Variants in PROS1 observed in about 807,000 individuals in gnomAD.
The protein encoded by PROS1 is protein S, also known as vitamin K-dependent protein S.
In PROS1, 29 loss-of-function variants were observed where a neutral mutation model predicts 75.9. That is an observed-to-expected ratio of 0.38 (90% confidence interval 0.28 to 0.52). PROS1 has a LOEUF of 0.52. PROS1 is among the 20% of genes least tolerant of loss of function. The probability of loss-of-function intolerance (pLI) is 0.83; values close to 1 mark genes in which losing one functional copy is unlikely to be tolerated. For synonymous variants in PROS1, 245 were observed against 280.6 expected (o/e 0.87, Z 1.27); for missense variants, 680 against 810.3 (o/e 0.84, Z 1.95).
intron 3 of PROS1, among the ~76,000 whole-genome samples, chr3:93,916,312 T>G (rs1003133611): frequency 1.3e-5 from 2 of 152,202 alleles, no homozygotes; most frequent in Non-Finnish European, 2.9e-5. Flanking sequence ...AAAGCTTCAT[T>G]TCGCATCTCT....
rs750429400 is a variant in PROS1 at position 93,900,916 on chromosome 3, G to A, written c.615C>T (p.Cys205=). The A allele has an allele frequency of 6.2e-7, 1 of 1,613,826 alleles. No individual in the cohort carries two copies. The highest frequency in any genetic ancestry group is 1.1e-5 in the South Asian group (1 of 91,078). ...NKKDCKDVDE[C]SLKPSICGTA... is the part of the protein sequence containing the mutation. ...TGCCACAAATGCTTGGCTTCAAAGA[G>A]CATTCATCCACATCTATAAATAAAA... The change falls in exon 7 of 15, where the codon TGC becomes TGT. Residue 205 remains cysteine (C), a synonymous_variant. Coordinates refer to ENST00000394236, the MANE Select transcript of PROS1 (RefSeq NM_000313.4).
chr3:93,965,530 A>T (rs1024190636), intron 1 of PROS1, among the ~76,000 whole-genome samples: 1 of 152,070 alleles, frequency 6.6e-6, no homozygotes, highest in African/African-American at 2.4e-5. Flanking sequence ...TGCATGGCCG[A>T]AGATTACATT....
intron 1 of PROS1, among the ~76,000 whole-genome samples, chr3:93,948,329 T>G (rs1476480250): frequency 2.6e-5 from 4 of 152,070 alleles, no homozygotes; most frequent in African/African-American, 9.7e-5. Context: ...AACTAAAGTA[T>G]GATTGAAATA....
intron 1 of PROS1, among the ~76,000 whole-genome samples, chr3:93,951,263 C>T (rs867148121): frequency 6.6e-6 from 1 of 152,012 alleles, no homozygotes; most frequent in African/African-American, 2.4e-5. Flanking sequence ...AGACACTCCT[C>T]GAGAAGAGCA....
intron 3 of PROS1, among the ~76,000 whole-genome samples, chr3:93,914,317 G>A (rs1708806653): frequency 6.6e-6 from 1 of 152,238 alleles, no homozygotes; most frequent in African/African-American, 2.4e-5. Context: ...AAATCTAGGT[G>A]GAGGCCACCT....
chr3:93,877,176 C>T lies in PROS1; in HGVS notation c.1660G>A (p.Val554Ile), dbSNP rs1303090339. The change falls in exon 14 of 15, where the codon GTT becomes ATT. Residue 554 changes from valine (V) to isoleucine (I), a missense_variant. By Grantham distance (29) the Val-to-Ile change is conservative. Coordinates refer to ENST00000394236, the MANE Select transcript of PROS1 (RefSeq NM_000313.4). Reference protein sequence around the residue: ...SEKSQDILLSVENTVIYRIQA... With the variant: ...SEKSQDILLSIENTVIYRIQA... ...ATCCGATATATTACAGTATTTTCAA[C>T]AGATAACAGAATATCCTGAAGAGCA... The T allele has an allele frequency of 1.3e-6, 2 of 1,598,756 alleles. No homozygotes were observed. The highest frequency in any genetic ancestry group is 1.1e-5 in the South Asian group (1 of 90,732).
Position 93,900,882 on chromosome 3 carries a change from A to G in PROS1, c.649T>C (p.Cys217Arg). The G allele has an allele frequency of 6.2e-7, 1 of 1,614,036 alleles. No individual in the cohort carries two copies. The highest frequency in any genetic ancestry group is 8.5e-7 in the Non-Finnish European group (1 of 1,179,974). ...LKPSICGTAV[C>R]KNIPGDFECE... ...TCAAAATCTCCTGGGATGTTCTTGC[A>G]CACAGCTGTGCCACAAATGCTTGGC... Residue 217 changes from cysteine (C) to arginine (R), a missense_variant, in exon 7 of 15, where the codon TGC becomes CGC. Transcript: ENST00000394236.
chr3:93,952,601 A>C (rs1709521756), intron 1 of PROS1, among the ~76,000 whole-genome samples: 1 of 152,160 alleles, frequency 6.6e-6, no homozygotes, highest in African/African-American at 2.4e-5. Flanking sequence ...AAATTTATAG[A>C]ACTAAAGGCT....
intron 4 of PROS1, among the ~76,000 whole-genome samples, chr3:93,909,127 A>G (rs930422820): frequency 2.6e-5 from 4 of 152,212 alleles, no homozygotes; most frequent in Non-Finnish European, 5.9e-5. Context: ...TACCAGAGAA[A>G]AAGAGCAATA....
At chr3:93,885,576 C>T (rs534372814) in intron 11 of PROS1, among the ~76,000 whole-genome samples, 12 of 152,308 alleles carry the variant, frequency 7.9e-5, no homozygotes, top group African/African-American at 2.9e-4. Flanking sequence ...GCCAATCAGA[C>T]TCTAAGTCTC....
At chr3:93,905,219 A>T (rs1026696097) in intron 6 of PROS1, among the ~76,000 whole-genome samples, 4 of 152,254 alleles carry the variant, frequency 2.6e-5, no homozygotes, top group African/African-American at 9.6e-5. Context: ...GCATTGAAAC[A>T]TCACTTTATA....
intron 1 of PROS1, among the ~76,000 whole-genome samples, chr3:93,970,503 T>A (rs939760897): frequency 1.4e-5 from 2 of 147,952 alleles, no homozygotes; most frequent in African/African-American, 4.9e-5. Flanking sequence ...ATCCGGCTAA[T>A]TTTTTTTTTT....
intron 1 of PROS1, among the ~76,000 whole-genome samples, chr3:93,954,054 C>A (rs1379044672): frequency 6.6e-6 from 1 of 152,142 alleles, no homozygotes; most frequent in Non-Finnish European, 1.5e-5. Flanking sequence ...ATACAAACCC[C>A]TGCTCAACGA....
chr3:93,963,458 A>G (rs1709739519), intron 1 of PROS1, among the ~76,000 whole-genome samples: 1 of 152,200 alleles, frequency 6.6e-6, no homozygotes. Context: ...TCATAAGAAG[A>G]GATCTATGAC....
intron 1 of PROS1, among the ~76,000 whole-genome samples, chr3:93,953,695 G>C (rs747067852): frequency 1.1e-4 from 16 of 152,046 alleles, no homozygotes; most frequent in Non-Finnish European, 2.4e-4. Context: ...CTCACCACTT[G>C]TATTCAAAAT....
At chr3:93,890,050 T>C (rs1019424754) in intron 10 of PROS1, among the ~76,000 whole-genome samples, 4 of 152,096 alleles carry the variant, frequency 2.6e-5, no homozygotes, top group Admixed American at 2.6e-4. Context: ...TAATAATTAA[T>C]ACCCTGGGGA....
chr3:93,948,070 A>G (rs1709433970), intron 1 of PROS1, among the ~76,000 whole-genome samples: 1 of 152,160 alleles, frequency 6.6e-6, no homozygotes, highest in African/African-American at 2.4e-5. Context: ...CATGCCAACT[A>G]CCTAGTTTAC....
intron 1 of PROS1, among the ~76,000 whole-genome samples, chr3:93,946,453 CAG>C (rs1222343949): frequency 2.6e-5 from 4 of 152,150 alleles, no homozygotes; most frequent in Non-Finnish European, 5.9e-5. Flanking sequence ...GGTACCAAAA[CAG>C]AGATATAGAC....
At chr3:93,927,887 A>G (rs143796285) in intron 1 of PROS1, among the ~76,000 whole-genome samples, 100 of 112,036 alleles carry the variant, frequency 8.9e-4, no homozygotes, top group East Asian at 4.7e-3. Flanking sequence ...GTGTATGTGT[A>G]TATATATATA....
Sources: allele counts gnomAD v4.1 joint callset (sites outside exome capture counted in the v4.1 genomes callset), GRCh38; gene constraint gnomAD v4.1.1; transcripts MANE v1.5; gene names NCBI Gene and HGNC (gene_info 2026-07-23, HGNC 2026-07-21).